TRIB3: variants seen among roughly 807,000 people sequenced by gnomAD.
TRIB3 encodes tribbles homolog 3.
A neutral mutation model predicts 16.6 loss-of-function variants in TRIB3; 20 were observed. That is an observed-to-expected ratio of 1.20 (90% CI 0.85 to 1.75). The LOEUF is 1.75. Ranked by LOEUF, TRIB3 falls within the 40% of genes most tolerant of loss-of-function variation. TRIB3 has a pLI of 0.00. For synonymous variants in TRIB3, 208 were observed against 217.0 expected (o/e 0.96, Z 0.36); for missense variants, 484 against 488.9 (o/e 0.99, Z 0.10).
intron 3 of TRIB3, among the ~76,000 whole-genome samples, chr20:392,622 T>C (rs1201906212): frequency 6.6e-6 from 1 of 151,954 alleles, no homozygotes; most frequent in Non-Finnish European, 1.5e-5. Flanking sequence ...AATGGCGCGA[T>C]CTTGGCTCAC....
At chr20:382,693 C>T in intron 1 of TRIB3, 1 of 1,030,222 alleles carries the variant, frequency 9.7e-7, no homozygotes, top group Non-Finnish European at 1.5e-6. Flanking sequence ...GTAAGCTTTG[C>T]ATCCTGTTCC....
Position 388,243 on chromosome 20 carries a change from A to T in TRIB3, c.233A>T (p.Glu78Val), listed in dbSNP as rs775164083. ...CCCTATGTCCTCCTGGAGCCCGAGG[A>T]GGGCGGGCGGGCCTACCAGGCCCTG... ...LGPYVLLEPE[E>V]GGRAYQALHC... The change falls in exon 2 of 4, where the codon GAG becomes GTG. Residue 78 changes from glutamate (E) to valine (V), a missense_variant. Transcript: ENST00000217233. The T allele has an allele frequency of 6.2e-6, 10 of 1,613,478 alleles. No individual in the cohort carries two copies. Among genetic ancestry groups the T allele is most frequent in the Non-Finnish European group, 7.6e-6 (9 of 1,179,994 alleles).
At position 396,363 on chromosome 20, in the gene TRIB3, G is replaced by A. The variant is rs73565400; in HGVS notation, c.750G>A (p.Ala250=). 8.0e-4 allele frequency: 1,285 copies of A among 1,613,538 alleles called. 11 individuals are homozygous for A. The African/African-American group carries it at 0.012, about 15-fold the overall frequency. The change falls in exon 4 of 4, where the codon GCG becomes GCA. Residue 250 remains alanine, a synonymous_variant. Coordinates refer to ENST00000217233, the MANE Select transcript of TRIB3 (RefSeq NM_021158.5). ...CCGATGTCTGGAGCCTGGGCGTGGCGCTCTTCACCATGCTGGCCGGCCACT... is the reference window on the plus strand; with the variant it reads ...CCGATGTCTGGAGCCTGGGCGTGGCACTCTTCACCATGCTGGCCGGCCACT... ...KAADVWSLGV[A]LFTMLAGHYP...
rs770714840 is a variant in TRIB3 at position 396,444 on chromosome 20, C to G, written c.831C>G (p.Ala277=). 1 of 1,612,834 alleles carries G rather than the reference C, an allele frequency of 6.2e-7. No homozygotes were observed. The highest frequency in any genetic ancestry group is 8.5e-7 in the Non-Finnish European group (1 of 1,179,992). Residue 277 remains alanine, a synonymous_variant, in exon 4 of 4, where the codon GCC becomes GCG. Coordinates refer to ENST00000217233, the MANE Select transcript of TRIB3 (RefSeq NM_021158.5). ...TCTTCGGCAAGATCCGCCGCGGGGC[C>G]TACGCCTTGCCTGCAGGCCTCTCGG... is the stretch of plus-strand genomic sequence containing the variant. The part of the protein sequence containing the change: ...VLLFGKIRRG[A]YALPAGLSAP...
rs1395900315 is a variant in TRIB3 at position 396,314 on chromosome 20, GGGCCTCATACTCGGGCAA to G, written c.705_722del (p.Ser236_Ala241del). 6.2e-7 allele frequency: 1 copy of G among 1,613,744 alleles called. No homozygotes were observed. Among genetic ancestry groups the G allele is most frequent in the East Asian group, 2.2e-5 (1 of 44,874 alleles). On this transcript the variant is annotated inframe_deletion, in exon 4 of 4. Coordinates refer to ENST00000217233, the MANE Select transcript of TRIB3 (RefSeq NM_021158.5). ...GTGGGACCTGAGATACTCAGCTCAC[GGGCCTCATACTCGGGCAA>G]GGCAGCCGATGTCTGGAGCCTGGGC...
intron 1 of TRIB3, 72 bp from the exon 2 acceptor site, chr20:387,939 C>T (rs573458329): frequency 2.4e-5 from 37 of 1,535,040 alleles, no homozygotes; most frequent in Non-Finnish European, 3.1e-5. Context: ...TGCCACGTAT[C>T]CTCCCACCAG....
In TRIB3 at chr20:396,843, C is replaced by A; in HGVS notation, c.*153C>A. Reference sequence around the variant, plus strand: ...GTGGAGTGTGCTGTGTACACATCTGCTTTGTTCCACACACATGCAGTTCCT... The same window carrying A: ...GTGGAGTGTGCTGTGTACACATCTGATTTGTTCCACACACATGCAGTTCCT... On this transcript the variant is annotated 3_prime_UTR_variant, in exon 4 of 4. Transcript: ENST00000217233. The A allele has an allele frequency of 1.7e-6, 2 of 1,182,548 alleles. No individual in the cohort carries two copies. Among genetic ancestry groups the A allele is most frequent in the Non-Finnish European group, 2.3e-6 (2 of 860,988 alleles). The allele number at this position is 1,182,548 out of a possible 1,614,324, so 73.3% of individuals were successfully genotyped here.
chr20:396,465 C>T lies in TRIB3; in HGVS notation c.852C>T (p.Leu284=), dbSNP rs1461552143. The change falls in exon 4 of 4, where the codon CTC becomes CTT. Residue 284 remains leucine (L), a synonymous_variant. Coordinates refer to ENST00000217233, the MANE Select transcript of TRIB3 (RefSeq NM_021158.5). ...GGGCCTACGCCTTGCCTGCAGGCCT[C>T]TCGGCCCCTGCCCGCTGTCTGGTTC... ...RRGAYALPAG[L]SAPARCLVRC... 6.2e-7 allele frequency: 1 copy of T among 1,612,756 alleles called. No individual in the cohort carries two copies. Among genetic ancestry groups the T allele is most frequent in the East Asian group, 2.2e-5 (1 of 44,904 alleles).
rs373054103 is a variant in TRIB3 at position 388,101 on chromosome 20, G to A, written c.91G>A (p.Val31Ile). ...LDDNLDTERP[V>I]QKRARSGPQP... ...TGACAACTTAGATACCGAGCGTCCC[G>A]TCCAGAAACGAGCTCGAAGTGGGCC... Residue 31 changes from valine to isoleucine, a missense_variant, in exon 2 of 4, where the codon GTC becomes ATC. By Grantham distance (29) the Val-to-Ile change is conservative. Coordinates refer to ENST00000217233, the MANE Select transcript of TRIB3 (RefSeq NM_021158.5). 3.2e-5 allele frequency: 52 copies of A among 1,613,990 alleles called. No individual in the cohort carries two copies. Among genetic ancestry groups the A allele is most frequent in the South Asian group, 8.8e-5 (8 of 91,080 alleles).
chr20:383,843 C>CACAGTATAAACCCACTTTTCA (rs1313220015), intron 1 of TRIB3, among the ~76,000 whole-genome samples: 1 of 152,144 alleles, frequency 6.6e-6, no homozygotes, highest in Non-Finnish European at 1.5e-5. Context: ...GCCACTATTC[C>CACAGTATAAACCCACTTTTCA]ACAGTATAAA....
intron 3 of TRIB3, among the ~76,000 whole-genome samples, chr20:394,033 T>TG (rs34512899): frequency 2.0e-5 from 2 of 101,638 alleles, no homozygotes; most frequent in African/African-American, 8.0e-5. Context: ...TCTTTCTTTC[T>TG]TTTTTTTTTT....
chr20:385,519 C>T (rs1428497429), intron 1 of TRIB3: 1 of 151,900 alleles, frequency 6.6e-6, no homozygotes, highest in Admixed American at 6.6e-5. Flanking sequence ...TCCCTCACCC[C>T]AGAACAGGGG....
At chr20:393,417 A>G (rs9941733) in intron 3 of TRIB3, among the ~76,000 whole-genome samples, 28,418 of 151,626 alleles carry the variant, frequency 0.19, 2,844 homozygotes, top group African/African-American at 0.24. Context: ...CTGCAGCCTC[A>G]ACCTCCCGGG....
At position 396,706 on chromosome 20, in the gene TRIB3, C is replaced by T. The variant is rs759890273; in HGVS notation, c.*16C>T. On this transcript the variant is annotated 3_prime_UTR_variant, in exon 4 of 4. Transcript: ENST00000217233. The stretch of plus-strand genomic sequence containing the variant: ...GTATGGCTAGGACCACCCTACTACA[C>T]GCTCAGCTGCCAACAGTGGATTGAG... 2.4e-5 allele frequency: 38 copies of T among 1,583,356 alleles called. No individual in the cohort carries two copies. The highest frequency in any genetic ancestry group is 8.0e-5 in the South Asian group (7 of 87,838).
At position 396,641 on chromosome 20, in the gene TRIB3, A is replaced by G. The variant is rs1473170832; in HGVS notation, c.1028A>G (p.Asp343Gly). The change falls in exon 4 of 4, where the codon GAC (aspartate) becomes GGC (glycine). Residue 343 changes from aspartate (D) to glycine (G), a missense_variant. Asp to Gly is a moderately conservative substitution (Grantham distance 94). Transcript: ENST00000217233. ...AQVVPDGLGL[D>G]EAREEEGDRE... ...GTGGTCCCTGATGGACTGGGGCTGG[A>G]CGAAGCCAGGGAAGAGGAGGGAGAC... 4.3e-6 allele frequency: 7 copies of G among 1,612,810 alleles called. No homozygotes were observed. In the Admixed American group the frequency reaches 1.0e-4, roughly 23 times the overall value.
chr20:394,911 G>A (rs2015084550), intron 3 of TRIB3, among the ~76,000 whole-genome samples: 1 of 152,092 alleles, frequency 6.6e-6, no homozygotes, highest in Non-Finnish European at 1.5e-5. Context: ...TTGGCCCTGA[G>A]CAAATGACTT....
chr20:396,331 A>G lies in TRIB3; in HGVS notation c.718A>G (p.Lys240Glu). The G allele has an allele frequency of 1.2e-6, 2 of 1,613,770 alleles. No homozygotes were observed. The highest frequency in any genetic ancestry group is 1.7e-6 in the Non-Finnish European group (2 of 1,180,030). ...ILSSRASYSG[K>E]AADVWSLGVA... ...CAGCTCACGGGCCTCATACTCGGGCAAGGCAGCCGATGTCTGGAGCCTGGG... is the reference window on the plus strand; with the variant it reads ...CAGCTCACGGGCCTCATACTCGGGCGAGGCAGCCGATGTCTGGAGCCTGGG... The change falls in exon 4 of 4, where the codon AAG (lysine) becomes GAG (glutamate). Residue 240 changes from lysine (K) to glutamate (E), a missense_variant. Lys to Glu is a moderately conservative substitution (Grantham distance 56). Transcript: ENST00000217233.
In TRIB3 at chr20:396,492, C is replaced by T. The variant is rs1262112403; in HGVS notation, c.879C>T (p.Arg293=). The T allele has an allele frequency of 1.9e-6, 3 of 1,612,920 alleles. No homozygotes were observed. Among genetic ancestry groups the T allele is most frequent in the Non-Finnish European group, 2.5e-6 (3 of 1,180,028 alleles). The change falls in exon 4 of 4, where the codon CGC becomes CGT. Residue 293 remains arginine (R), a synonymous_variant. Coordinates refer to ENST00000217233, the MANE Select transcript of TRIB3 (RefSeq NM_021158.5). Reference sequence around the variant, plus strand: ...CGGCCCCTGCCCGCTGTCTGGTTCGCTGCCTCCTTCGTCGGGAGCCAGCTG... The same window carrying T: ...CGGCCCCTGCCCGCTGTCTGGTTCGTTGCCTCCTTCGTCGGGAGCCAGCTG... ...GLSAPARCLV[R]CLLRREPAER... is the part of the protein sequence containing the mutation.
At chr20:395,568 T>G (rs2015102185) in intron 3 of TRIB3, among the ~76,000 whole-genome samples, 1 of 152,166 alleles carries the variant, frequency 6.6e-6, no homozygotes, top group Admixed American at 6.6e-5. Context: ...ATTCCTGGCT[T>G]CTCTTGGGGA....
Sources: gnomAD v4.1 joint callset for allele counts (sites outside exome capture counted in the v4.1 genomes callset) on GRCh38, gnomAD v4.1.1 for gene constraint, MANE v1.5 for transcripts, NCBI Gene and HGNC (gene_info 2026-07-23, HGNC 2026-07-21) for gene names.